Variants in NECTIN1 observed in about 807,000 individuals in gnomAD.
NECTIN1 encodes nectin-1.
A neutral mutation model predicts 48.0 loss-of-function variants in NECTIN1; 23 were observed. The observed-to-expected ratio is 0.48, with a 90% CI of 0.34 to 0.68. The LOEUF is 0.68. NECTIN1 is among the 30% of genes least tolerant of loss of function. The pLI is 0.01. For missense variants in NECTIN1, 591 were observed against 709.9 expected (o/e 0.83, Z 1.90); for synonymous variants, 270 against 288.9 (o/e 0.93, Z 0.66).
At position 119,664,395 on chromosome 11, in the gene NECTIN1, G is replaced by T; in HGVS notation, c.*352C>A. The T allele has an allele frequency of 9.3e-7, 1 of 1,076,724 alleles. No homozygotes were observed. The highest frequency in any genetic ancestry group is 1.1e-6 in the Non-Finnish European group (1 of 887,426). The allele number at this position is 1,076,724 out of a possible 1,614,324, so 66.7% of individuals were successfully genotyped here. ...CAAACAAATTCCAGTGTAGGGGGGC[G>T]GGGGAGGCTGGCTCCCCAAACCCTG... On this transcript the variant is annotated 3_prime_UTR_variant, in exon 6 of 6. Transcript: ENST00000264025.
At chr11:119,666,433 A>G (rs913348154) in intron 5 of NECTIN1, among the ~76,000 whole-genome samples, 4 of 152,242 alleles carry the variant, frequency 2.6e-5, no homozygotes, top group African/African-American at 7.2e-5. Flanking sequence ...GGGCCACAGT[A>G]CTGTTCTTTG....
chr11:119,641,909 T>G (rs1464551680), intron 5 of NECTIN1: 2 of 151,838 alleles, frequency 1.3e-5, no homozygotes, highest in African/African-American at 4.8e-5. Context: ...TTTTGTATTT[T>G]TAGTAGAGAT....
chr11:119,704,888 T>C (rs957572202), intron 1 of NECTIN1, among the ~76,000 whole-genome samples: 1 of 152,190 alleles, frequency 6.6e-6, no homozygotes, highest in Non-Finnish European at 1.5e-5. Flanking sequence ...CTAGCTAAGA[T>C]CTGGTTTGAG....
chr11:119,709,123 C>T lies in NECTIN1; in HGVS notation c.79+19352G>A, dbSNP rs150237452. 4.9e-3 allele frequency among the ~76,000 whole-genome samples: 748 copies of T among 152,204 alleles called. 3 individuals carry two copies. Among genetic ancestry groups the T allele is most frequent in the African/African-American group, 0.016 (664 of 41,522 alleles). On this transcript the variant is annotated intron_variant, in intron 1 of 5. Transcript: ENST00000264025. This position sits in a 1 kb window ranked among gnomAD's most constrained non-coding sequence, Gnocchi z 4.1. ...AGATGCCTGGGACCAGAGCGACAGACGGTCACCTGACAAGCCACACCACCT... is the reference window on the plus strand; with the variant it reads ...AGATGCCTGGGACCAGAGCGACAGATGGTCACCTGACAAGCCACACCACCT...
At chr11:119,701,613 C>A (rs188201156) in intron 1 of NECTIN1, among the ~76,000 whole-genome samples, 1 of 151,992 alleles carries the variant, frequency 6.6e-6, no homozygotes, top group Non-Finnish European at 1.5e-5. Context: ...CAAACCTGGC[C>A]TCTCCCAGAC....
In NECTIN1 at chr11:119,677,102, G is replaced by A. The variant is rs373403317; in HGVS notation, c.851C>T (p.Thr284Met). The change falls in exon 4 of 6, where the codon ACG becomes ATG. Residue 284 changes from threonine to methionine, a missense_variant and splice_region_variant. By Grantham distance (81) the Thr-to-Met change is moderately conservative. Transcript: ENST00000264025. This position sits in a 1 kb window ranked among gnomAD's most constrained non-coding sequence, Gnocchi z 5.4. ...GACTGGTCAGCCCTGCAGCACTTAC[G>A]TGGTCCAGTGGTACTCAGTGGCTGG... ...NPPATEYHWT[T>M]LNGSLPKGVE... 4.2e-5 allele frequency: 67 copies of A among 1,613,296 alleles called. No individual in the cohort carries two copies. The highest frequency in any genetic ancestry group is 6.7e-5 in the East Asian group (3 of 44,882).
At chr11:119,696,485 T>C (rs1356403233) in intron 1 of NECTIN1, among the ~76,000 whole-genome samples, 2 of 151,508 alleles carry the variant, frequency 1.3e-5, no homozygotes, top group African/African-American at 4.9e-5. Context: ...TCAAAGCAAA[T>C]CCTCCCCAGC....
At chr11:119,674,601 C>G (rs1408976957) in intron 5 of NECTIN1, 2 of 1,614,232 alleles carry the variant, frequency 1.2e-6, no homozygotes. Flanking sequence ...CTCAGAACAT[C>G]CTAGCTCTTG....
downstream of NECTIN1, chr11:119,660,851 C>T (rs756732120): frequency 2.8e-5 from 8 of 289,758 alleles, no homozygotes; most frequent in Non-Finnish European, 3.6e-5. Flanking sequence ...CCTCAGGGCT[C>T]CTGCTCCTCT....
intron 1 of NECTIN1, chr11:119,687,293 C>T (rs1309248207): frequency 6.6e-6 from 1 of 152,192 alleles, no homozygotes. Context: ...AGGTGACAAA[C>T]ATTTTTCTCA....
At chr11:119,702,736 G>C (rs1341635606) in intron 1 of NECTIN1, among the ~76,000 whole-genome samples, 1 of 152,214 alleles carries the variant, frequency 6.6e-6, no homozygotes, top group East Asian at 1.9e-4. Flanking sequence ...CTGTAGGGAA[G>C]ATTAAATAAA....
chr11:119,722,136 A>G (rs1865841964), intron 1 of NECTIN1, among the ~76,000 whole-genome samples: 1 of 152,260 alleles, frequency 6.6e-6, no homozygotes, highest in Non-Finnish European at 1.5e-5. Context: ...ATTTGGCCAC[A>G]AGAGCATAAG....
At chr11:119,704,492 C>T (rs1214177777) in intron 1 of NECTIN1, among the ~76,000 whole-genome samples, 2 of 152,190 alleles carry the variant, frequency 1.3e-5, no homozygotes, top group Non-Finnish European at 2.9e-5. Flanking sequence ...GCTGGGATTA[C>T]AGGTATGAGC....
downstream of NECTIN1, among the ~76,000 whole-genome samples, chr11:119,657,920 C>A (rs1484889072): frequency 5.5e-3 from 429 of 78,086 alleles, no homozygotes; most frequent in Middle Eastern, 9.6e-3. Flanking sequence ...GACCCCGTCT[C>A]AAAAAAAAAA....
At chr11:119,643,759 GGCAGGCCCAGTCACCT>G (rs1233992064) in intron 5 of NECTIN1, among the ~76,000 whole-genome samples, 1 of 152,266 alleles carries the variant, frequency 6.6e-6, no homozygotes, top group Non-Finnish European at 1.5e-5. Flanking sequence ...CAGGCTTGAG[GGCAGGCCCAGTCACCT>G]GCAGGCAGCT....
intron 7 of NECTIN1, among the ~76,000 whole-genome samples, chr11:119,638,406 C>G (rs1864269660): frequency 6.6e-6 from 1 of 152,242 alleles, no homozygotes. Context: ...CAAGTGCACC[C>G]TGAGCCTTTA....
intron 5 of NECTIN1, chr11:119,640,286 C>T: frequency 2.0e-6 from 1 of 511,732 alleles, no homozygotes; most frequent in South Asian, 2.3e-5. Context: ...AGGGTATCTC[C>T]TGGACAGGCA....
chr11:119,718,428 A>G (rs368934313), intron 1 of NECTIN1, among the ~76,000 whole-genome samples: 13 of 152,206 alleles, frequency 8.5e-5, no homozygotes, highest in East Asian at 3.9e-4. Context: ...GCCCAGGAGA[A>G]CACCCTAAAT....
intron 1 of NECTIN1, among the ~76,000 whole-genome samples, chr11:119,701,426 C>T (rs543656142): frequency 1.3e-5 from 2 of 152,228 alleles, no homozygotes; most frequent in African/African-American, 4.8e-5. Context: ...GGTAAAATGC[C>T]AAGGGGTGTC....
Sources: allele counts gnomAD v4.1 joint callset (sites outside exome capture counted in the v4.1 genomes callset), GRCh38; gene constraint gnomAD v4.1.1; non-coding constraint Gnocchi (gnomAD v3.1); transcripts MANE v1.5; gene names NCBI Gene and HGNC (gene_info 2026-07-23, HGNC 2026-07-21).